Variants in GOLGB1 observed in about 807,000 individuals in gnomAD.
GOLGB1 encodes golgin subfamily B member 1.
In GOLGB1, 174 loss-of-function variants were observed where a neutral mutation model predicts 336.9. The ratio of observed to expected loss-of-function variants is 0.52; its 90% confidence interval spans 0.46 to 0.59. The LOEUF (loss-of-function observed/expected upper bound fraction) is 0.59, where lower values mean the gene tolerates loss of function less well. Among genes scored for constraint, GOLGB1 ranks in the 20% least tolerant of loss-of-function variants. GOLGB1 has a pLI of 0.00. For missense variants in GOLGB1, 3,331 were observed against 3,645.3 expected (o/e 0.91, Z 2.22); for synonymous variants, 1,208 against 1,289.2 (o/e 0.94, Z 1.35).
intron 1 of GOLGB1, among the ~76,000 whole-genome samples, chr3:121,745,282 A>G (rs1021061160): frequency 2.1e-5 from 3 of 142,784 alleles, no homozygotes; most frequent in Admixed American, 1.4e-4. Flanking sequence ...ATATGTATAT[A>G]TACATATGTA....
chr3:121,681,380 G>A (rs145621659), intron 15 of GOLGB1, among the ~76,000 whole-genome samples: 34 of 152,312 alleles, frequency 2.2e-4, no homozygotes, highest in African/African-American at 7.7e-4. Context: ...TGTGGTGATG[G>A]AGTAGCTCTG....
chr3:121,716,321 A>AT (rs1944773008), intron 9 of GOLGB1, among the ~76,000 whole-genome samples: 1 of 152,204 alleles, frequency 6.6e-6, no homozygotes, highest in African/African-American at 2.4e-5. Context: ...ATTTTCACCT[A>AT]TAAGAAAAGC....
In GOLGB1 at chr3:121,741,575, G is replaced by T. The variant is rs200359635; in HGVS notation, c.-3+8057C>A. On this transcript the variant is annotated intron_variant, in intron 1 of 21. Coordinates refer to ENST00000614479, the MANE Select transcript of GOLGB1 (RefSeq NM_001366282.2). ...ACTATATGTGAAATGTAGAATTAAA[G>T]CAAATGATAATTATGGATACACTAA... 1.6e-4 allele frequency among the ~76,000 whole-genome samples: 24 copies of T among 152,252 alleles called. No individual in the cohort carries two copies. The East Asian group carries it at 4.2e-3, about 27-fold the overall frequency.
At position 121,695,709 on chromosome 3, in the gene GOLGB1, T is replaced by C; in HGVS notation, c.4814A>G (p.Glu1605Gly). 6.2e-7 allele frequency: 1 copy of C among 1,611,622 alleles called. No individual in the cohort carries two copies. The highest frequency in any genetic ancestry group is 8.5e-7 in the Non-Finnish European group (1 of 1,179,966). The change falls in exon 13 of 22, where the codon GAA becomes GGA. Residue 1605 changes from glutamate (E) to glycine (G), a missense_variant. By Grantham distance (98) the Glu-to-Gly change is moderately conservative. Coordinates refer to ENST00000614479, the MANE Select transcript of GOLGB1 (RefSeq NM_001366282.2). Reference protein sequence around the residue: ...IESLKSSKIAESTEWQEKHKE... With the variant: ...IESLKSSKIAGSTEWQEKHKE... ...GTGTTTCTCTTGCCACTCAGTACTT[T>C]CTGCAATCTTAGAAGATTTCAAAGA...
chr3:121,672,114 T>C (rs1939625645), intron 17 of GOLGB1, among the ~76,000 whole-genome samples: 1 of 152,318 alleles, frequency 6.6e-6, no homozygotes, highest in East Asian at 1.9e-4. Flanking sequence ...GGAGTACAGA[T>C]GTCTTTTTGA....
In GOLGB1 at chr3:121,692,521, C is replaced by T. The variant is rs763766720; in HGVS notation, c.6843G>A (p.Gln2281=). 6.2e-6 allele frequency: 10 copies of T among 1,610,620 alleles called. No individual in the cohort carries two copies. The South Asian group carries it at 1.0e-4, about 16-fold the overall frequency. The change falls in exon 14 of 22, where the codon CAG becomes CAA. Residue 2281 remains glutamine (Q), a synonymous_variant. Transcript: ENST00000614479. ...SKAQTEVQLQ[Q]KVCDTLQGEN... ...CCCCCTGTAGAGTATCACAGACCTT[C>T]TGCTGAAGCTGGACCTCTGTCTGGG...
At position 121,697,110 on chromosome 3, in the gene GOLGB1, C is replaced by T. The variant is rs1012250646; in HGVS notation, c.3413G>A (p.Ser1138Asn). ...TACAAGTGCTACGGAGTCCCCATCA[C>T]TTGCATCCGTGTTACTTGTGATTAA... ...QKLITSNTDA[S>N]DGDSVALVKE... is the part of the protein sequence containing the mutation. Residue 1138 changes from serine to asparagine, a missense_variant, in exon 13 of 22, where the codon AGT becomes AAT. Physicochemically the swap from Ser to Asn is conservative, Grantham distance 46 (BLOSUM62 1). Coordinates refer to ENST00000614479, the MANE Select transcript of GOLGB1 (RefSeq NM_001366282.2). 3.7e-6 allele frequency: 6 copies of T among 1,614,028 alleles called. No homozygotes were observed. Among genetic ancestry groups the T allele is most frequent in the South Asian group, 1.1e-5 (1 of 91,088 alleles).
Position 121,666,816 on chromosome 3 carries a change from A to T in GOLGB1, c.9554+660T>A, listed in dbSNP as rs150135613. On this transcript the variant is annotated intron_variant, in intron 20 of 21. Transcript: ENST00000614479. The stretch of plus-strand genomic sequence containing the variant: ...AGCAAAATACTTGTAGCAACTCTCT[A>T]TCCTCTCATGCATAGTGATTCTTTT... 1.1e-3 allele frequency among the ~76,000 whole-genome samples: 172 copies of T among 152,322 alleles called. 2 individuals carry two copies. Among genetic ancestry groups the T allele is most frequent in the African/African-American group, 3.9e-3 (164 of 41,574 alleles).
chr3:121,698,397 T>A lies in GOLGB1; in HGVS notation c.2126A>T (p.Gln709Leu), dbSNP rs1576358287. 1.9e-6 allele frequency: 3 copies of A among 1,613,906 alleles called. No individual in the cohort carries two copies. In the East Asian group the frequency reaches 6.7e-5, roughly 36 times the overall value. The change falls in exon 13 of 22, where the codon CAA (glutamine) becomes CTA (leucine). Residue 709 changes from glutamine (Q) to leucine (L), a missense_variant. Coordinates refer to ENST00000614479, the MANE Select transcript of GOLGB1 (RefSeq NM_001366282.2). ...ATCTAAATTTTTCTCATAGATTTCT[T>A]GTGCTTTATGAAAGTTTAGCTCGAG... Reference protein sequence around the residue: ...LELELNFHKAQEIYEKNLDEK... With the variant: ...LELELNFHKALEIYEKNLDEK...
chr3:121,679,842 C>T (rs1472345732), intron 15 of GOLGB1, among the ~76,000 whole-genome samples: 1 of 152,148 alleles, frequency 6.6e-6, no homozygotes, highest in East Asian at 1.9e-4. Flanking sequence ...CATGTGGGGC[C>T]TGGACATCCC....
intron 1 of GOLGB1, among the ~76,000 whole-genome samples, chr3:121,738,834 C>A (rs890033350): frequency 4.6e-5 from 7 of 152,098 alleles, no homozygotes; most frequent in Non-Finnish European, 7.4e-5. Flanking sequence ...GAAAGAAAGG[C>A]AGGAAATCCG....
chr3:121,667,341 G>T, intron 20 of GOLGB1, 135 bp downstream of exon 20: 1 of 862,948 alleles, frequency 1.2e-6, no homozygotes. Context: ...TGACCACAAT[G>T]TTGGTAAACT....
rs1416959476 is a variant in GOLGB1 at position 121,714,030 on chromosome 3, T to A, written c.1404+831A>T. 2.0e-5 allele frequency among the ~76,000 whole-genome samples: 3 copies of A among 152,192 alleles called. No homozygotes were observed. The East Asian group carries it at 5.8e-4, about 29-fold the overall frequency. On this transcript the variant is annotated intron_variant, in intron 10 of 21. Coordinates refer to ENST00000614479, the MANE Select transcript of GOLGB1 (RefSeq NM_001366282.2). ...TCGCTACAAAACTCTTGCAACTTAT[T>A]CGAATGGTTGGAAAACGTCTTAACA...
Position 121,693,982 on chromosome 3 carries a change from G to C in GOLGB1, c.6541C>G (p.Leu2181Val), listed in dbSNP as rs1560221774. The C allele has an allele frequency of 1.9e-6, 3 of 1,614,164 alleles. No individual in the cohort carries two copies. Among genetic ancestry groups the C allele is most frequent in the Non-Finnish European group, 1.7e-6 (2 of 1,180,010 alleles). Reference protein sequence around the residue: ...LNKKDKEVQQLQENLDSTVTQ... With the variant: ...LNKKDKEVQQVQENLDSTVTQ... ...ACAGTACTGTCCAAGTTTTCCTGAA[G>C]TTGCTGAACTTCCTTGTCTTTCTTG... Residue 2181 changes from leucine (L) to valine (V), a missense_variant, in exon 13 of 22, where the codon CTT becomes GTT. Physicochemically the swap from Leu to Val is conservative, Grantham distance 32. Coordinates refer to ENST00000614479, the MANE Select transcript of GOLGB1 (RefSeq NM_001366282.2).
intron 6 of GOLGB1, 98 bp from the exon 7 acceptor site, chr3:121,719,866 G>T: frequency 1.9e-6 from 2 of 1,041,942 alleles, no homozygotes; most frequent in Non-Finnish European, 2.6e-6. Flanking sequence ...ACTGAGACTT[G>T]ATAGTAGCTT....
At chr3:121,730,704 T>A (rs1946033681) in intron 2 of GOLGB1, 172 bp downstream of exon 2, 2 of 571,730 alleles carry the variant, frequency 3.5e-6, no homozygotes, top group Admixed American at 7.7e-5. Flanking sequence ...CTGTGGCTTT[T>A]AAGCTAAAAA....
chr3:121,672,549 G>C (rs1024077044), intron 17 of GOLGB1, among the ~76,000 whole-genome samples: 4 of 152,174 alleles, frequency 2.6e-5, no homozygotes, highest in Non-Finnish European at 5.9e-5. Context: ...TAGATGGGTA[G>C]TTTGCAAATG....
chr3:121,744,436 C>G (rs1418337732), intron 1 of GOLGB1, among the ~76,000 whole-genome samples: 1 of 93,528 alleles, frequency 1.1e-5, no homozygotes, highest in Admixed American at 1.3e-4. Context: ...GTGAGACTGT[C>G]TCTACAAAAA....
chr3:121,730,233 G>A, intron 2 of GOLGB1: 2 of 398,674 alleles, frequency 5.0e-6, no homozygotes, highest in South Asian at 5.8e-5. Flanking sequence ...CCCATTTAAG[G>A]TATTATTATC....
Sources: allele counts gnomAD v4.1 joint callset (sites outside exome capture counted in the v4.1 genomes callset), GRCh38; gene constraint gnomAD v4.1.1; transcripts MANE v1.5; gene names NCBI Gene and HGNC (gene_info 2026-07-23, HGNC 2026-07-21).